The following IGSF21 variants were observed in gnomAD, a reference collection of about 807,000 sequenced individuals.
The protein encoded by IGSF21 is immunoglobulin superfamily member 21.
A neutral mutation model predicts 46.8 loss-of-function variants in IGSF21; 28 were observed. That is an observed-to-expected ratio of 0.60 (90% CI 0.44 to 0.82). The LOEUF (loss-of-function observed/expected upper bound fraction) is 0.82. Ranked by LOEUF, IGSF21 falls within the 40% of genes least tolerant of loss-of-function variation. The probability of loss-of-function intolerance (pLI) is 0.00; values close to 1 mark genes in which losing one functional copy is unlikely to be tolerated. For missense variants in IGSF21, 624 were observed against 665.5 expected (o/e 0.94, Z 0.69); for synonymous variants, 284 against 273.6 (o/e 1.04, Z -0.38).
At chr1:18,343,935 C>T (rs889352535) in intron 4 of IGSF21, among the ~76,000 whole-genome samples, 1 of 152,132 alleles carries the variant, frequency 6.6e-6, no homozygotes, top group Non-Finnish European at 1.5e-5. Flanking sequence ...CGACCTTTCC[C>T]CTTAAAAGAA....
chr1:18,351,313 G>A (rs536698166), intron 4 of IGSF21, among the ~76,000 whole-genome samples: 1 of 152,252 alleles, frequency 6.6e-6, no homozygotes, highest in South Asian at 2.1e-4. Context: ...ATGGGTGGGG[G>A]GGTAGGGGTG....
At chr1:18,124,319 CT>C in intron 1 of IGSF21, among the ~76,000 whole-genome samples, 1 of 152,230 alleles carries the variant, frequency 6.6e-6, no homozygotes, top group Non-Finnish European at 1.5e-5. Flanking sequence ...TATTACCTCA[CT>C]CCTAAAATCT....
chr1:18,301,319 G>A (rs2085359333), intron 3 of IGSF21, among the ~76,000 whole-genome samples: 1 of 93,706 alleles, frequency 1.1e-5, no homozygotes, highest in Non-Finnish European at 2.2e-5. Flanking sequence ...AATGGTAATT[G>A]TTTTGTTTGT....
intron 1 of IGSF21, among the ~76,000 whole-genome samples, chr1:18,164,525 C>A (rs562562236): frequency 6.6e-6 from 1 of 152,228 alleles, no homozygotes; most frequent in East Asian, 1.9e-4. Context: ...GAGAGCCTCA[C>A]CCTGTTCTCC....
At chr1:18,182,304 G>A (rs1225612437) in intron 1 of IGSF21, among the ~76,000 whole-genome samples, 2 of 150,790 alleles carry the variant, frequency 1.3e-5, no homozygotes, top group African/African-American at 2.4e-5. Flanking sequence ...AGCCTCCCCA[G>A]TAGCTGGGAT....
At chr1:18,288,427 T>G (rs1432182601) in intron 2 of IGSF21, among the ~76,000 whole-genome samples, 1 of 152,246 alleles carries the variant, frequency 6.6e-6, no homozygotes. Context: ...AATTGTGGAC[T>G]GTGTACCTCT....
chr1:18,302,325 T>A (rs1280575025), intron 3 of IGSF21, among the ~76,000 whole-genome samples: 1 of 152,078 alleles, frequency 6.6e-6, no homozygotes, highest in Non-Finnish European at 1.5e-5. Flanking sequence ...CACTCGCATG[T>A]CTACTGTCTC....
At chr1:18,136,434 T>C (rs1391253620) in intron 1 of IGSF21, among the ~76,000 whole-genome samples, 1 of 152,262 alleles carries the variant, frequency 6.6e-6, no homozygotes, top group African/African-American at 2.4e-5. Context: ...TTAATTGTTG[T>C]ATAAAGTGTA....
At chr1:18,121,501 A>G (rs1372781488) in intron 1 of IGSF21, among the ~76,000 whole-genome samples, 1 of 152,162 alleles carries the variant, frequency 6.6e-6, no homozygotes, top group Non-Finnish European at 1.5e-5. Context: ...GTTGAAATTC[A>G]TGAGACGCTT....
intron 1 of IGSF21, among the ~76,000 whole-genome samples, chr1:18,220,524 A>C (rs1431886412): frequency 1.3e-5 from 2 of 152,060 alleles, no homozygotes; most frequent in Non-Finnish European, 2.9e-5. Context: ...CTTCAACACC[A>C]TCTTTGATCC....
intron 4 of IGSF21, among the ~76,000 whole-genome samples, chr1:18,359,337 A>AG (rs1491575658): frequency 0.32 from 11,173 of 34,740 alleles, 1,838 homozygotes; most frequent in Non-Finnish European, 0.37. Context: ...AAAGAGAAAG[A>AG]AAAAGAAAGA....
rs187013659 is a variant in IGSF21 at position 18,133,599 on chromosome 1, G to A, written c.70+25401G>A. On this transcript the variant is annotated intron_variant, in intron 1 of 9. Transcript: ENST00000251296. The stretch of plus-strand genomic sequence containing the variant: ...ACAGCCTCCTCCACCTGACTGCACT[G>A]CCAGCCCCCTTGCACCACCATCTCC... Among the ~76,000 whole-genome samples, 16 of 152,336 alleles carry A rather than the reference G, an allele frequency of 1.1e-4. No individual in the cohort carries two copies. The South Asian group carries it at 1.2e-3, about 12-fold the overall frequency.
intron 1 of IGSF21, among the ~76,000 whole-genome samples, chr1:18,143,998 G>C (rs530991533): frequency 6.6e-6 from 1 of 152,174 alleles, no homozygotes; most frequent in Non-Finnish European, 1.5e-5. Flanking sequence ...TCAGATTAAG[G>C]CTTCGTGATG....
intron 2 of IGSF21, among the ~76,000 whole-genome samples, chr1:18,286,637 C>T (rs223195): frequency 0.22 from 33,638 of 152,102 alleles, 5,343 homozygotes; most frequent in African/African-American, 0.45. Flanking sequence ...GCCACTGTCC[C>T]GCCTGGGCCA....
At chr1:18,137,568 G>A (rs1200327135) in intron 1 of IGSF21, among the ~76,000 whole-genome samples, 1 of 152,160 alleles carries the variant, frequency 6.6e-6, no homozygotes, top group Non-Finnish European at 1.5e-5. Flanking sequence ...TTTCATAGCT[G>A]GGCGTGGGAA....
chr1:18,161,905 AC>A (rs1280244293), intron 1 of IGSF21, among the ~76,000 whole-genome samples: 1 of 152,168 alleles, frequency 6.6e-6, no homozygotes, highest in Non-Finnish European at 1.5e-5. Flanking sequence ...AGGGCACTTA[AC>A]GTCTCTGAGC....
chr1:18,378,294 C>T lies in IGSF21; in HGVS notation c.1372C>T (p.Leu458Phe), dbSNP rs1422074503. The T allele has an allele frequency of 6.2e-7, 1 of 1,613,920 alleles. No individual in the cohort carries two copies. The highest frequency in any genetic ancestry group is 1.3e-5 in the African/African-American group (1 of 74,914). Residue 458 changes from leucine (L) to phenylalanine (F), a missense_variant, in exon 10 of 10, where the codon CTC becomes TTC. Leu to Phe is a conservative substitution (Grantham distance 22). Coordinates refer to ENST00000251296, the MANE Select transcript of IGSF21 (RefSeq NM_032880.5). ...CACTGGTGCCCGGCTCACCTTGGTG[C>T]TCGCCCTGACAGTGATTCTGGAGCT... is the stretch of plus-strand genomic sequence containing the variant. ...GPTGARLTLV[L>F]ALTVILELT is the part of the protein sequence containing the mutation.
At chr1:18,132,382 C>G (rs1458535945) in intron 1 of IGSF21, among the ~76,000 whole-genome samples, 1 of 152,212 alleles carries the variant, frequency 6.6e-6, no homozygotes, top group Non-Finnish European at 1.5e-5. Flanking sequence ...CTGTCAGATT[C>G]CCATCACTGA....
At chr1:18,233,466 G>A (rs909526900) in intron 2 of IGSF21, among the ~76,000 whole-genome samples, 3 of 152,234 alleles carry the variant, frequency 2.0e-5, no homozygotes, top group African/African-American at 7.2e-5. Flanking sequence ...ATACCTGTGT[G>A]TGAGTTTGAC....
Sources: allele counts gnomAD v4.1 joint callset (sites outside exome capture counted in the v4.1 genomes callset), GRCh38; gene constraint gnomAD v4.1.1; transcripts MANE v1.5; gene names NCBI Gene and HGNC (gene_info 2026-07-23, HGNC 2026-07-21).